DRC8: variants seen among roughly 807,000 people sequenced by gnomAD.
DRC8 encodes the protein dynein regulatory complex subunit 8.
chr1:245,035,404 G>A, the DRC8 span, among the ~76,000 whole-genome samples: 1 of 151,406 alleles, frequency 6.6e-6, no homozygotes, highest in Non-Finnish European at 1.5e-5. Context: ...ATTGAGTCTG[G>A]AAATAAACCC....
At chr1:245,096,146 G>A in the DRC8 span, among the ~76,000 whole-genome samples, 1 of 152,182 alleles carries the variant, frequency 6.6e-6, no homozygotes, top group Non-Finnish European at 1.5e-5. Flanking sequence ...ATGAAATGGA[G>A]CCCACAAAGC....
At chr1:245,004,207 A>G in the DRC8 span, among the ~76,000 whole-genome samples, 125,357 of 152,030 alleles carry the variant, frequency 0.82, 51,799 homozygotes, top group East Asian at 1. Flanking sequence ...GAGCCATGGT[A>G]CCCAGCTTTG....
chr1:245,057,498 G>A, the DRC8 span, among the ~76,000 whole-genome samples: 1 of 152,116 alleles, frequency 6.6e-6, no homozygotes, highest in Non-Finnish European at 1.5e-5. Flanking sequence ...TGGAATCAGT[G>A]TGTATTTTAC....
the DRC8 span, among the ~76,000 whole-genome samples, chr1:245,054,161 TTTTG>T: frequency 8.5e-5 from 13 of 152,098 alleles, no homozygotes; most frequent in South Asian, 2.1e-4. Flanking sequence ...TTTTTGGGGT[TTTTG>T]TTTGTTTGTT....
the DRC8 span, chr1:244,970,631 C>T: frequency 4.1e-6 from 2 of 486,786 alleles, no homozygotes; most frequent in Non-Finnish European, 6.8e-6. Flanking sequence ...CCCGCCCGGC[C>T]CGCCGCTCCG....
the DRC8 span, among the ~76,000 whole-genome samples, chr1:245,016,221 A>C: frequency 6.6e-6 from 1 of 152,028 alleles, no homozygotes; most frequent in East Asian, 1.9e-4. Context: ...CCTCAGGTGA[A>C]CCACCCTCCT....
At chr1:244,970,753 C>G in the DRC8 span, 1 of 434,168 alleles carries the variant, frequency 2.3e-6, no homozygotes, top group East Asian at 3.9e-5. Flanking sequence ...GCCCTCTTCA[C>G]CCTCTTCCCC....
At chr1:244,972,026 A>G in the DRC8 span, among the ~76,000 whole-genome samples, 1 of 151,600 alleles carries the variant, frequency 6.6e-6, no homozygotes, top group Non-Finnish European at 1.5e-5. Flanking sequence ...TATTTTCTTA[A>G]AAAAGACTTG....
chr1:245,067,000 A>G, the DRC8 span, among the ~76,000 whole-genome samples: 2 of 152,192 alleles, frequency 1.3e-5, no homozygotes, highest in East Asian at 1.9e-4. Flanking sequence ...CGATATTATA[A>G]TACATCAACA....
the DRC8 span, among the ~76,000 whole-genome samples, chr1:245,089,438 A>G: frequency 2.0e-5 from 3 of 152,100 alleles, no homozygotes; most frequent in African/African-American, 7.2e-5. This position sits in a 1 kb window ranked among gnomAD's most constrained non-coding sequence, Gnocchi z 4.8. Context: ...AGAGCCCACA[A>G]AAGAGACTGG....
chr1:245,071,548 T>C, the DRC8 span, among the ~76,000 whole-genome samples: 2 of 152,238 alleles, frequency 1.3e-5, no homozygotes, highest in East Asian at 3.8e-4. Context: ...ACCTTGGATA[T>C]TGAAATTGGC....
At chr1:245,084,062 G>A in the DRC8 span, among the ~76,000 whole-genome samples, 47 of 77,898 alleles carry the variant, frequency 6.0e-4, no homozygotes, top group African/African-American at 2.0e-3. Context: ...TAAAAATTCC[G>A]CCCCCCCCCC....
chr1:244,989,169 T>C, the DRC8 span, among the ~76,000 whole-genome samples: 3 of 152,210 alleles, frequency 2.0e-5, no homozygotes, highest in African/African-American at 7.2e-5. Flanking sequence ...GCACAAGCGA[T>C]TCTCCCACCT....
At chr1:244,980,040 T>TA in the DRC8 span, among the ~76,000 whole-genome samples, 1,505 of 34,676 alleles carry the variant, frequency 0.043, 197 homozygotes, top group African/African-American at 0.18. Flanking sequence ...CCGTCTCTAC[T>TA]AAAAAAAAAA....
At chr1:245,001,440 C>T in the DRC8 span, among the ~76,000 whole-genome samples, 2 of 152,170 alleles carry the variant, frequency 1.3e-5, no homozygotes, top group African/African-American at 4.8e-5. Context: ...TGGCCATACC[C>T]CAGACCTGTT....
At chr1:244,999,059 A>G in the DRC8 span, among the ~76,000 whole-genome samples, 1 of 6,276 alleles carries the variant, frequency 1.6e-4, no homozygotes, top group African/African-American at 8.0e-4. Context: ...ATCCTGGGTC[A>G]AAAAAAAAAA....
chr1:244,979,328 G>A, the DRC8 span, among the ~76,000 whole-genome samples: 3 of 107,514 alleles, frequency 2.8e-5, no homozygotes, highest in East Asian at 2.9e-4. Context: ...TTTTTGAGAC[G>A]TAGTCTTGCT....
chr1:245,083,438 A>G, the DRC8 span: 1 of 1,613,380 alleles, frequency 6.2e-7, no homozygotes, highest in Non-Finnish European at 8.5e-7. Flanking sequence ...TTGCATAATT[A>G]TAGATACAGA....
At chr1:245,064,976 A>G in the DRC8 span, among the ~76,000 whole-genome samples, 1 of 151,378 alleles carries the variant, frequency 6.6e-6, no homozygotes, top group African/African-American at 2.4e-5. Context: ...GGTTCCAGGA[A>G]GTTTTCTTGC....
Sources: gnomAD v4.1 joint callset for allele counts (sites outside exome capture counted in the v4.1 genomes callset) on GRCh38, gnomAD v4.1.1 for gene constraint, Gnocchi (gnomAD v3.1) non-coding constraint, MANE v1.5 for transcripts, NCBI Gene and HGNC (gene_info 2026-07-23, HGNC 2026-07-21) for gene names.